Variants in ZBTB2 observed in about 807,000 individuals in gnomAD.
ZBTB2 encodes zinc finger and BTB domain containing 2.
ZBTB2 carries 2 observed loss-of-function variants against 39.5 expected under a neutral mutation model. The ratio of observed to expected loss-of-function variants is 0.05; its 90% CI spans 0.02 to 0.16. ZBTB2 has a LOEUF of 0.16. Among genes scored for constraint, ZBTB2 ranks in the 10% least tolerant of loss-of-function variants. The pLI is 1.00. For missense variants in ZBTB2, 391 were observed against 653.0 expected (o/e 0.60, Z 4.37); for synonymous variants, 251 against 256.6 (o/e 0.98, Z 0.21).
At chr6:151,387,521 G>A (rs781242960) in intron 1 of ZBTB2, among the ~76,000 whole-genome samples, 1 of 152,196 alleles carries the variant, frequency 6.6e-6, no homozygotes, top group Non-Finnish European at 1.5e-5. Context: ...GGGACTCAGA[G>A]AACCTAAATG....
At chr6:151,377,266 T>C (rs1003518753) in intron 1 of ZBTB2, among the ~76,000 whole-genome samples, 17 of 152,076 alleles carry the variant, frequency 1.1e-4, no homozygotes, top group Admixed American at 6.6e-4. Flanking sequence ...TACTGTACTA[T>C]AGTTTGCAAG....
intron 1 of ZBTB2, among the ~76,000 whole-genome samples, chr6:151,383,240 G>C (rs1779078105): frequency 6.6e-6 from 1 of 151,574 alleles, no homozygotes; most frequent in Non-Finnish European, 1.5e-5. Context: ...TTTTTATATG[G>C]GGTCTTGCTA....
intron 1 of ZBTB2, among the ~76,000 whole-genome samples, chr6:151,379,815 T>C (rs2114871427): frequency 6.6e-6 from 1 of 152,230 alleles, no homozygotes; most frequent in South Asian, 2.1e-4. Flanking sequence ...GTCAATATTT[T>C]ATAGGAGGAT....
At chr6:151,383,021 G>A (rs1167246621) in intron 1 of ZBTB2, among the ~76,000 whole-genome samples, 1 of 151,300 alleles carries the variant, frequency 6.6e-6, no homozygotes, top group Admixed American at 6.6e-5. Flanking sequence ...TGCCTCCTGG[G>A]TTCAAGCAAT....
intron 2 of ZBTB2, among the ~76,000 whole-genome samples, chr6:151,368,677 C>T (rs1778706622): frequency 6.7e-6 from 1 of 148,404 alleles, no homozygotes; most frequent in Admixed American, 6.7e-5. Flanking sequence ...TGGTCTCGAA[C>T]TCCTGACCTC....
At chr6:151,371,214 G>A (rs952934449) in intron 2 of ZBTB2, among the ~76,000 whole-genome samples, 3 of 152,170 alleles carry the variant, frequency 2.0e-5, no homozygotes, top group Non-Finnish European at 4.4e-5. Flanking sequence ...CATTGATCAA[G>A]TGGCTATTCT....
chr6:151,372,554 CT>C (rs1424977709), intron 2 of ZBTB2, among the ~76,000 whole-genome samples: 1 of 152,022 alleles, frequency 6.6e-6, no homozygotes, highest in African/African-American at 2.4e-5. Context: ...GGAGTGGGAA[CT>C]CCCAGCATGA....
rs761580482 is a variant in ZBTB2, at chr6:151,366,823, G to A, written c.243C>T (p.Tyr81=). 37 of 1,613,980 alleles carry A rather than the reference G, an allele frequency of 2.3e-5. 1 individual carries two copies. In the South Asian group the frequency reaches 3.8e-4, roughly 17 times the overall value. ...TGAGCTGAGGCGCCATCTTCCCAGT[G>A]TACATCAAGTGTAAGAGATAGCTGA... ...DIFSYLLHLM[Y]TGKMAPQLID... is the part of the protein sequence containing the mutation. Residue 81 remains tyrosine, a synonymous_variant, in exon 3 of 3, where the codon TAC becomes TAT. Transcript: ENST00000325144. This position sits in a 1 kb window ranked among gnomAD's most constrained non-coding sequence, Gnocchi z 7.1.
intron 1 of ZBTB2, among the ~76,000 whole-genome samples, chr6:151,383,588 C>T (rs894573078): frequency 5.3e-5 from 8 of 152,254 alleles, no homozygotes; most frequent in East Asian, 1.9e-4. Context: ...CTCCTGACAG[C>T]GTACAATACT....
Position 151,373,602 on chromosome 6 carries a change from T to C in ZBTB2, c.36A>G (p.Gln12=), listed in dbSNP as rs1204907322. ...DLANHGLILL[Q]QLNAQREFGF... ...CAAACTCTCGCTGAGCGTTTAACTG[T>C]TGCAGTAGAATAAGTCCATGGTTGG... Residue 12 remains glutamine, a synonymous_variant, in exon 2 of 3, where the codon CAA becomes CAG. Coordinates refer to ENST00000325144, the MANE Select transcript of ZBTB2 (RefSeq NM_020861.3). 3 of 1,614,138 alleles carry C rather than the reference T, an allele frequency of 1.9e-6. No homozygotes were observed. Among genetic ancestry groups the C allele is most frequent in the Admixed American group, 1.7e-5 (1 of 60,022 alleles).
At chr6:151,387,618 CCT>C (rs561089167) in intron 1 of ZBTB2, among the ~76,000 whole-genome samples, 39 of 152,250 alleles carry the variant, frequency 2.6e-4, no homozygotes, top group East Asian at 2.1e-3. Context: ...GCGAGTGCCC[CCT>C]GTTTAAGAGA....
At chr6:151,373,441 G>A in intron 2 of ZBTB2, 24 bp downstream of exon 2, 1 of 1,613,672 alleles carries the variant, frequency 6.2e-7, no homozygotes, top group South Asian at 1.1e-5. Context: ...CAGTCATTAG[G>A]TTATTAGCAA....
intron 1 of ZBTB2, among the ~76,000 whole-genome samples, chr6:151,385,067 A>G (rs1779124054): frequency 6.6e-6 from 1 of 152,190 alleles, no homozygotes; most frequent in African/African-American, 2.4e-5. Context: ...AATAAAAAAC[A>G]AGTCATTTGT....
At chr6:151,382,581 G>A (rs1482001888) in intron 1 of ZBTB2, among the ~76,000 whole-genome samples, 1 of 144,976 alleles carries the variant, frequency 6.9e-6, no homozygotes, top group African/African-American at 2.6e-5. Flanking sequence ...ACAGAGTTTC[G>A]CTCTTGTTGC....
intron 2 of ZBTB2, among the ~76,000 whole-genome samples, chr6:151,371,691 G>A (rs1778792409): frequency 6.6e-6 from 1 of 152,154 alleles, no homozygotes; most frequent in Admixed American, 6.5e-5. Flanking sequence ...TATGCACTGG[G>A]CATCCCCGGG....
intron 1 of ZBTB2, among the ~76,000 whole-genome samples, chr6:151,388,005 C>T (rs1779197905): frequency 6.6e-6 from 1 of 151,714 alleles, no homozygotes; most frequent in Non-Finnish European, 1.5e-5. Flanking sequence ...CAAATTATAA[C>T]CTACTTGAGC....
intron 1 of ZBTB2, among the ~76,000 whole-genome samples, 157 bp downstream of exon 1, chr6:151,391,263 C>G (rs1357818994): frequency 6.6e-6 from 1 of 151,890 alleles, no homozygotes; most frequent in Non-Finnish European, 1.5e-5. Context: ...ACCCGTAGCC[C>G]TGGTACGAGG....
intron 1 of ZBTB2, among the ~76,000 whole-genome samples, chr6:151,379,501 G>C (rs1398063813): frequency 6.6e-6 from 1 of 151,816 alleles, no homozygotes; most frequent in Non-Finnish European, 1.5e-5. Flanking sequence ...AAATAGCCAG[G>C]GATGGTGGCA....
In ZBTB2 at chr6:151,364,780, T is replaced by G. The variant is rs1778608043; in HGVS notation, c.*741A>C. 1 of 152,634 alleles carries G rather than the reference T, an allele frequency of 6.6e-6. No individual in the cohort carries two copies. The highest frequency in any genetic ancestry group is 2.4e-5 in the African/African-American group (1 of 41,468). 9.5% of individuals were successfully genotyped at this position (152,634 alleles called of 1,614,324 possible). A position where few individuals can be genotyped will look rare whatever the true frequency, so the allele number is the denominator to read the frequency against. On this transcript the variant is annotated 3_prime_UTR_variant, in exon 3 of 3. Transcript: ENST00000325144. ...AAACTCAAATACAGCATTTTGTTGT[T>G]GCTCAACTTGGAAAGAAGCCAGCAA...
Sources: gnomAD v4.1 joint callset for allele counts (sites outside exome capture counted in the v4.1 genomes callset) on GRCh38, gnomAD v4.1.1 for gene constraint, Gnocchi (gnomAD v3.1) non-coding constraint, MANE v1.5 for transcripts, NCBI Gene and HGNC (gene_info 2026-07-23, HGNC 2026-07-21) for gene names.